RBMS1: variants seen among roughly 807,000 people sequenced by gnomAD.
The protein encoded by RBMS1 is RNA-binding motif, single-stranded-interacting protein 1.
RBMS1 carries 17 observed loss-of-function variants against 62.3 expected under a neutral mutation model. The observed-to-expected ratio is 0.27, with a 90% confidence interval of 0.19 to 0.41. The LOEUF is 0.41. RBMS1 is among the 10% of genes least tolerant of loss of function. The pLI, the probability that RBMS1 is intolerant of heterozygous loss-of-function variation, is 1.00. For missense variants in RBMS1, 334 were observed against 504.5 expected, an observed-to-expected ratio of 0.66 and a Z score of 3.24; for synonymous variants, 172 against 170.0, an observed-to-expected ratio of 1.01 and a Z score of -0.09.
rs530673378 is a variant in RBMS1 at position 160,415,545 on chromosome 2, A to C, written c.76-48154T>G. Among the ~76,000 whole-genome samples the C allele has an allele frequency of 3.3e-5, 5 of 152,354 alleles. No individual in the cohort carries two copies. The East Asian group carries it at 9.6e-4, about 29-fold the overall frequency. ...AAATCTTTATATCGTGGGAAACAAA[A>C]TTAATTCAAACCTGGAATGACCATG... On this transcript the variant is annotated intron_variant, in intron 1 of 13. Coordinates refer to ENST00000348849, the MANE Select transcript of RBMS1 (RefSeq NM_016836.4).
At chr2:160,399,016 C>T (rs888232708) in intron 1 of RBMS1, among the ~76,000 whole-genome samples, 5 of 152,172 alleles carry the variant, frequency 3.3e-5, no homozygotes, top group African/African-American at 1.2e-4. Flanking sequence ...TCCTATTGAC[C>T]TCTGTTCTTC....
chr2:160,306,451 G>A (rs1051725986), intron 4 of RBMS1, among the ~76,000 whole-genome samples: 2 of 152,020 alleles, frequency 1.3e-5, no homozygotes, highest in African/African-American at 2.4e-5. Flanking sequence ...GTAGACTAAC[G>A]CAGGTAAGTA....
intron 2 of RBMS1, among the ~76,000 whole-genome samples, chr2:160,325,992 T>C (rs1156964137): frequency 6.6e-6 from 1 of 152,158 alleles, no homozygotes; most frequent in African/African-American, 2.4e-5. Context: ...AACTCTTACA[T>C]TAGATAGCTG....
chr2:160,324,905 T>TATATATATATAC (rs1553508414), intron 2 of RBMS1, among the ~76,000 whole-genome samples: 47 of 118,698 alleles, frequency 4.0e-4, no homozygotes, highest in African/African-American at 8.0e-4. Context: ...TATATATATA[T>TATATATATATAC]ATACACACAC....
chr2:160,407,579 G>A, intron 1 of RBMS1: 1 of 982,498 alleles, frequency 1.0e-6, no homozygotes, highest in Non-Finnish European at 1.2e-6. Flanking sequence ...CGGGCGCGGG[G>A]CAGCCTCGCC....
chr2:160,459,413 T>TA lies in RBMS1; in HGVS notation c.75+33875dup, dbSNP rs539808711. On this transcript the variant is annotated intron_variant, in intron 1 of 13. Coordinates refer to ENST00000348849, the MANE Select transcript of RBMS1 (RefSeq NM_016836.4). Reference sequence around the variant, plus strand: ...TGATCTTTTTAATAGCGCAAATTCTTAAAAGATTAAATATATTTTGGGGAA... The same window carrying TA: ...TGATCTTTTTAATAGCGCAAATTCTTAAAAAGATTAAATATATTTTGGGGAA... Among the ~76,000 whole-genome samples the TA allele has an allele frequency of 5.0e-4, 76 of 152,332 alleles. No homozygotes were observed. The South Asian group carries it at 5.8e-3, about 12-fold the overall frequency.
chr2:160,350,101 A>G (rs1692413677), intron 2 of RBMS1, among the ~76,000 whole-genome samples: 1 of 152,026 alleles, frequency 6.6e-6, no homozygotes, highest in Non-Finnish European at 1.5e-5. Context: ...CAGTAAGGGG[A>G]GATAAAGTCA....
intron 2 of RBMS1, among the ~76,000 whole-genome samples, chr2:160,332,787 G>A (rs116382601): frequency 0.014 from 2,154 of 151,744 alleles, 62 homozygotes; most frequent in African/African-American, 0.048. Flanking sequence ...TGAAGACATG[G>A]GGTCAAAGCA....
intron 1 of RBMS1, among the ~76,000 whole-genome samples, chr2:160,436,490 C>A (rs1426082141): frequency 6.6e-6 from 1 of 152,364 alleles, no homozygotes; most frequent in East Asian, 1.9e-4. Flanking sequence ...AACTGCCCCT[C>A]CAAATTCCTG....
chr2:160,396,148 C>CT (rs146032797), intron 1 of RBMS1, among the ~76,000 whole-genome samples: 3,039 of 152,230 alleles, frequency 0.02, 104 homozygotes, highest in African/African-American at 0.067. Context: ...CAATGTCCAA[C>CT]TTTTTTTCTT....
At chr2:160,446,475 T>C (rs541707499) in intron 1 of RBMS1, among the ~76,000 whole-genome samples, 35 of 152,336 alleles carry the variant, frequency 2.3e-4, no homozygotes, top group African/African-American at 6.3e-4. Flanking sequence ...CTTGCGATCC[T>C]TTCTGACACT....
chr2:160,382,261 TG>T (rs1436333038), intron 1 of RBMS1, among the ~76,000 whole-genome samples: 1 of 152,234 alleles, frequency 6.6e-6, no homozygotes, highest in Non-Finnish European at 1.5e-5. Context: ...GTCTGAAATC[TG>T]GGGAGAAATG....
intron 1 of RBMS1, among the ~76,000 whole-genome samples, chr2:160,476,508 T>C (rs895624471): frequency 6.6e-6 from 1 of 151,674 alleles, no homozygotes; most frequent in African/African-American, 2.4e-5. Context: ...ACCTACTATG[T>C]GCAAAACATT....
intron 2 of RBMS1, among the ~76,000 whole-genome samples, chr2:160,362,843 A>C (rs557308008): frequency 3.5e-4 from 53 of 150,778 alleles, no homozygotes; most frequent in African/African-American, 1.3e-3. Context: ...CCTTCCTCCC[A>C]AAAAAAAAGC....
intron 2 of RBMS1, among the ~76,000 whole-genome samples, chr2:160,362,317 AG>A (rs1323521782): frequency 5.3e-5 from 8 of 152,220 alleles, no homozygotes; most frequent in African/African-American, 1.7e-4. Flanking sequence ...CAAGAGACCT[AG>A]CTTTCGGCCT....
intron 6 of RBMS1, among the ~76,000 whole-genome samples, chr2:160,297,662 G>C (rs1440128391): frequency 1.3e-5 from 2 of 152,254 alleles, no homozygotes; most frequent in Non-Finnish European, 2.9e-5. Context: ...GGTCCTTGCA[G>C]GGAGAAGGCA....
chr2:160,327,405 A>G (rs1326629027), intron 2 of RBMS1, among the ~76,000 whole-genome samples: 1 of 152,174 alleles, frequency 6.6e-6, no homozygotes, highest in Non-Finnish European at 1.5e-5. Flanking sequence ...CACTAAAACT[A>G]TCTCATTAAA....
At chr2:160,385,953 A>T (rs1425426311) in intron 1 of RBMS1, among the ~76,000 whole-genome samples, 3 of 152,218 alleles carry the variant, frequency 2.0e-5, no homozygotes. Context: ...CTGGCTTCCA[A>T]ACATGGTATA....
intron 2 of RBMS1, among the ~76,000 whole-genome samples, chr2:160,326,526 CA>C (rs1245292221): frequency 6.6e-6 from 1 of 151,910 alleles, no homozygotes; most frequent in Non-Finnish European, 1.5e-5. Flanking sequence ...CTTAAGTCTC[CA>C]AAAGTCTTGG....
Sources: allele counts gnomAD v4.1 joint callset (sites outside exome capture counted in the v4.1 genomes callset), GRCh38; gene constraint gnomAD v4.1.1; transcripts MANE v1.5; gene names NCBI Gene and HGNC (gene_info 2026-07-23, HGNC 2026-07-21).